TSPEAR: variants seen among roughly 807,000 people sequenced by gnomAD.
TSPEAR encodes the protein thrombospondin type laminin G domain and EAR repeats.
A neutral mutation model predicts 71.6 loss-of-function variants in TSPEAR; 69 were observed. The observed-to-expected ratio is 0.96, with a 90% CI of 0.79 to 1.18. The LOEUF (loss-of-function observed/expected upper bound fraction) is 1.18, where lower values mean the gene tolerates loss of function less well. Among genes scored for constraint, TSPEAR ranks in the 50% most tolerant of loss-of-function variants. The pLI is 0.00. For synonymous variants in TSPEAR, 402 were observed against 387.2 expected (o/e 1.04, Z -0.45); for missense variants, 971 against 894.9 (o/e 1.09, Z -1.09).
At chr21:44,590,981 A>G (rs1227243486) in intron 1 of TSPEAR, among the ~76,000 whole-genome samples, 2 of 151,948 alleles carry the variant, frequency 1.3e-5, no homozygotes, top group Non-Finnish European at 2.9e-5. Flanking sequence ...ACAGGATGAA[A>G]AGTCGACAGA....
At chr21:44,521,817 A>AGCAGGT (rs2052739561) in intron 9 of TSPEAR, 66 bp downstream of exon 9, 2 of 1,441,780 alleles carry the variant, frequency 1.4e-6, no homozygotes, top group South Asian at 2.3e-5. Context: ...TCACCTGTCC[A>AGCAGGT]GCAGGTGCAG....
rs77654726 is a variant in TSPEAR at position 44,695,219 on chromosome 21, T to C, written c.82+16214A>G. On this transcript the variant is annotated intron_variant, in intron 1 of 11. Coordinates refer to ENST00000323084, the MANE Select transcript of TSPEAR (RefSeq NM_144991.3). The surrounding 1 kb of genome is among the most constrained non-coding windows in gnomAD (Gnocchi z 4.5). ...CCCAACTCCTGTGGCTTTGGGGCAT[T>C]CACACTCTCCTGGTCCTGTCCTGGC... is the stretch of plus-strand genomic sequence containing the variant. 7.5e-3 allele frequency among the ~76,000 whole-genome samples: 1,141 copies of C among 152,272 alleles called. 12 individuals are homozygous for C. Among genetic ancestry groups the C allele is most frequent in the African/African-American group, 0.025 (1,055 of 41,540 alleles).
intron 1 of TSPEAR, among the ~76,000 whole-genome samples, chr21:44,657,646 G>A (rs12626853): frequency 0.53 from 81,042 of 152,008 alleles, 22,031 homozygotes; most frequent in African/African-American, 0.65. Context: ...GTGAAACAAC[G>A]GGATTCGGTA....
chr21:44,566,983 GC>G (rs1281113120), intron 2 of TSPEAR, among the ~76,000 whole-genome samples: 1 of 151,960 alleles, frequency 6.6e-6, no homozygotes, highest in Non-Finnish European at 1.5e-5. Context: ...AAAAGTACAA[GC>G]AACAAAATAA....
At chr21:44,500,550 GAAAAT>G (rs2052011663) in intron 11 of TSPEAR, among the ~76,000 whole-genome samples, 2 of 152,254 alleles carry the variant, frequency 1.3e-5, no homozygotes, top group Admixed American at 1.3e-4. Context: ...AATAAAGTAT[GAAAAT>G]AAATTCTTCC....
rs940308486 is a variant in TSPEAR, at chr21:44,709,442, G to A, written c.82+1991C>T. Among the ~76,000 whole-genome samples the A allele has an allele frequency of 5.2e-5, 8 of 152,384 alleles. No individual in the cohort carries two copies. In the East Asian group the frequency reaches 1.5e-3, roughly 29 times the overall value. Reference sequence around the variant, plus strand: ...CAGCCCACAACTTCCCCAAAGCCTGGCAGTCACTTGAATAGCCAAATGAGT... The same window carrying A: ...CAGCCCACAACTTCCCCAAAGCCTGACAGTCACTTGAATAGCCAAATGAGT... On this transcript the variant is annotated intron_variant, in intron 1 of 11. Coordinates refer to ENST00000323084, the MANE Select transcript of TSPEAR (RefSeq NM_144991.3).
chr21:44,652,576 G>T (rs1437103494), intron 1 of TSPEAR, among the ~76,000 whole-genome samples: 3 of 152,144 alleles, frequency 2.0e-5, no homozygotes, highest in Admixed American at 6.5e-5. Flanking sequence ...TCTTACGAAG[G>T]GGGAATTCTC....
At chr21:44,602,707 C>T (rs1019460460) in intron 1 of TSPEAR, among the ~76,000 whole-genome samples, 16 of 152,346 alleles carry the variant, frequency 1.1e-4, no homozygotes, top group South Asian at 6.2e-4. Flanking sequence ...GGTACATCAC[C>T]GGGCAGGGCA....
intron 1 of TSPEAR, among the ~76,000 whole-genome samples, chr21:44,674,504 C>A (rs1431225307): frequency 6.6e-6 from 1 of 151,962 alleles, no homozygotes; most frequent in Non-Finnish European, 1.5e-5. Flanking sequence ...ATCACTTGAG[C>A]CCAAGAGTTT....
At chr21:44,610,255 A>G (rs1365549046) in intron 1 of TSPEAR, among the ~76,000 whole-genome samples, 1 of 152,260 alleles carries the variant, frequency 6.6e-6, no homozygotes, top group Non-Finnish European at 1.5e-5. Context: ...AAATATCTCC[A>G]GGCCATGTCA....
chr21:44,703,916 G>T (rs1409952626), intron 1 of TSPEAR, among the ~76,000 whole-genome samples: 1 of 152,214 alleles, frequency 6.6e-6, no homozygotes, highest in Non-Finnish European at 1.5e-5. Context: ...CAGCTGCAGT[G>T]GAGCTGGAAC....
At chr21:44,500,249 C>T (rs372960054) in intron 11 of TSPEAR, among the ~76,000 whole-genome samples, 20 of 152,314 alleles carry the variant, frequency 1.3e-4, no homozygotes, top group East Asian at 7.7e-4. Flanking sequence ...CGGCCTCAAT[C>T]GTGAGGTGCG....
intron 1 of TSPEAR, chr21:44,677,627 C>T (rs1398007658): frequency 2.6e-6 from 3 of 1,159,916 alleles, no homozygotes; most frequent in African/African-American, 1.5e-5. Context: ...TTAAAGATTC[C>T]TCATGCTGAA....
intron 2 of TSPEAR, among the ~76,000 whole-genome samples, chr21:44,555,013 A>C (rs2053503522): frequency 6.6e-6 from 1 of 152,250 alleles, no homozygotes; most frequent in South Asian, 2.1e-4. Context: ...TAAACTTAAA[A>C]GCTATTTATT....
chr21:44,554,708 A>G lies in TSPEAR; in HGVS notation c.303+13077T>C, dbSNP rs115443003. On this transcript the variant is annotated intron_variant, in intron 2 of 11. Transcript: ENST00000323084. ...AATGTGGCTCATGCCAGTTGTGGAA[A>G]TGGTAACATTCTGGATGTACCGGGT... Among the ~76,000 whole-genome samples the G allele has an allele frequency of 9.4e-3, 1,436 of 152,336 alleles. 18 individuals carry two copies. Among genetic ancestry groups the G allele is most frequent in the African/African-American group, 0.032 (1,338 of 41,570 alleles).
At chr21:44,694,528 A>C (rs916175002) in intron 1 of TSPEAR, among the ~76,000 whole-genome samples, 2 of 152,242 alleles carry the variant, frequency 1.3e-5, no homozygotes, top group African/African-American at 4.8e-5. Flanking sequence ...TACTTAACCC[A>C]CAGAATTGTT....
At chr21:44,582,999 T>C (rs781804629) in intron 1 of TSPEAR, among the ~76,000 whole-genome samples, 30 of 15,126 alleles carry the variant, frequency 2.0e-3, no homozygotes, top group South Asian at 7.5e-3. Context: ...TTTTTCTTTC[T>C]TTCTTTTTTT....
intron 1 of TSPEAR, among the ~76,000 whole-genome samples, chr21:44,578,354 C>T (rs1366961062): frequency 3.9e-5 from 6 of 152,164 alleles, no homozygotes; most frequent in African/African-American, 1.4e-4. Flanking sequence ...AATAGAAAAT[C>T]GGAATAGCCC....
At chr21:44,537,001 G>A (rs1227840030) in intron 2 of TSPEAR, among the ~76,000 whole-genome samples, 3 of 152,146 alleles carry the variant, frequency 2.0e-5, no homozygotes, top group African/African-American at 7.2e-5. Flanking sequence ...ATCCAAAGAG[G>A]AATATTTTAG....
Sources: allele counts gnomAD v4.1 joint callset (sites outside exome capture counted in the v4.1 genomes callset), GRCh38; gene constraint gnomAD v4.1.1; non-coding constraint Gnocchi (gnomAD v3.1); transcripts MANE v1.5; gene names NCBI Gene and HGNC (gene_info 2026-07-23, HGNC 2026-07-21).